RSU1: variants seen among roughly 807,000 people sequenced by gnomAD.
The protein encoded by RSU1 is rsu-1.
RSU1 carries 26 observed loss-of-function variants against 31.1 expected under a neutral mutation model. The observed-to-expected ratio is 0.84, with a 90% CI of 0.61 to 1.16. RSU1 has a LOEUF of 1.16. Ranked by LOEUF, RSU1 falls within the 50% of genes most tolerant of loss-of-function variation. The pLI is 0.00. For synonymous variants in RSU1, 164 were observed against 136.3 expected, an observed-to-expected ratio of 1.20 and a Z score of -1.41; for missense variants, 320 against 339.1, an observed-to-expected ratio of 0.94 and a Z score of 0.44.
At chr10:16,791,876 CTG>C (rs1292664802) in intron 2 of RSU1, among the ~76,000 whole-genome samples, 9 of 152,160 alleles carry the variant, frequency 5.9e-5, no homozygotes. Context: ...ATGTGGAACT[CTG>C]GAACTTGTCT....
chr10:16,744,251 T>C (rs1176646851), intron 7 of RSU1, among the ~76,000 whole-genome samples: 1 of 152,196 alleles, frequency 6.6e-6, no homozygotes, highest in African/African-American at 2.4e-5. Flanking sequence ...TTTCAAAAGA[T>C]GGATTTATAT....
At chr10:16,671,667 C>G (rs746053528) in intron 8 of RSU1, among the ~76,000 whole-genome samples, 1 of 151,868 alleles carries the variant, frequency 6.6e-6, no homozygotes, top group African/African-American at 2.4e-5. Context: ...CACTCTGTTG[C>G]GAGGCTGGAG....
At chr10:16,644,649 G>T (rs1056463225) in intron 8 of RSU1, among the ~76,000 whole-genome samples, 2 of 152,126 alleles carry the variant, frequency 1.3e-5, no homozygotes, top group Admixed American at 1.3e-4. Context: ...GCCACACATA[G>T]CGCAGTGTTC....
In RSU1 at chr10:16,722,913, CAT is replaced by C. The variant is rs1324693653; in HGVS notation, c.599-27760_599-27759del. 4.2e-3 allele frequency among the ~76,000 whole-genome samples: 625 copies of C among 148,560 alleles called. 1 individual carries two copies. The highest frequency in any genetic ancestry group is 7.4e-3 in the Middle Eastern group (2 of 270). On this transcript the variant is annotated intron_variant, in intron 7 of 8. Coordinates refer to ENST00000345264, the MANE Select transcript of RSU1 (RefSeq NM_012425.4). The stretch of plus-strand genomic sequence containing the variant: ...ATATATGTATATATACACACATATA[CAT>C]ATATGTATATATACACACATATACA...
chr10:16,789,477 G>A (rs1010695248), intron 2 of RSU1, among the ~76,000 whole-genome samples: 9 of 152,220 alleles, frequency 5.9e-5, no homozygotes, highest in African/African-American at 1.9e-4. Flanking sequence ...GTCAGGCAAA[G>A]ACCAAGTGGA....
intron 7 of RSU1, among the ~76,000 whole-genome samples, chr10:16,699,856 G>A (rs973644841): frequency 6.6e-6 from 1 of 152,186 alleles, no homozygotes. Flanking sequence ...ATCACTCAGA[G>A]GCTTATTCTG....
At chr10:16,700,734 T>C (rs552685164) in intron 7 of RSU1, among the ~76,000 whole-genome samples, 2 of 152,346 alleles carry the variant, frequency 1.3e-5, no homozygotes, top group African/African-American at 2.4e-5. Flanking sequence ...CATATTGTAA[T>C]AGACAGTGTC....
intron 7 of RSU1, among the ~76,000 whole-genome samples, chr10:16,709,110 G>A (rs568273658): frequency 1.6e-4 from 24 of 151,494 alleles, no homozygotes; most frequent in Non-Finnish European, 3.2e-4. Context: ...TCGTCATTTA[G>A]CATTAGATGT....
chr10:16,631,997 G>C (rs376258377), intron 8 of RSU1, among the ~76,000 whole-genome samples: 4 of 152,290 alleles, frequency 2.6e-5, no homozygotes, highest in East Asian at 1.9e-4. Context: ...AGTGAAATTA[G>C]CTGCTGCCTT....
chr10:16,682,065 C>T (rs1009013556), intron 8 of RSU1, among the ~76,000 whole-genome samples: 1 of 152,070 alleles, frequency 6.6e-6, no homozygotes, highest in Non-Finnish European at 1.5e-5. Flanking sequence ...GAATTCTGTG[C>T]CTCTTGATGC....
rs192375222 is a variant in RSU1 at position 16,697,458 on chromosome 10, A to G, written c.599-2303T>C. Among the ~76,000 whole-genome samples the G allele has an allele frequency of 4.2e-4, 64 of 152,232 alleles. No individual in the cohort carries two copies. In the East Asian group the frequency reaches 0.012, roughly 29 times the overall value. ...GATCACTTGAGGTCAGGAGTTCCAG[A>G]CCACAAGGCAATTTGGCCAACATGG... On this transcript the variant is annotated intron_variant, in intron 7 of 8. Transcript: ENST00000345264.
chr10:16,739,466 CTTTTTTTTTTTT>C (rs35664560), intron 7 of RSU1, among the ~76,000 whole-genome samples: 12 of 94,242 alleles, frequency 1.3e-4, no homozygotes, highest in Non-Finnish European at 2.2e-4. Flanking sequence ...CATTTTCTTC[CTTTTTTTTTTTT>C]TTTTTTTTTT....
intron 3 of RSU1, among the ~76,000 whole-genome samples, chr10:16,773,360 A>G (rs1008818875): frequency 6.6e-6 from 1 of 152,134 alleles, no homozygotes; most frequent in African/African-American, 2.4e-5. Context: ...AGGAAAATCC[A>G]CCAAATCCAC....
At chr10:16,745,387 C>T (rs995007573) in intron 7 of RSU1, among the ~76,000 whole-genome samples, 10 of 152,060 alleles carry the variant, frequency 6.6e-5, no homozygotes, top group Admixed American at 1.3e-4. Context: ...TGTTCTAGTC[C>T]GTTTTCACGC....
At chr10:16,738,929 T>A (rs187483057) in intron 7 of RSU1, among the ~76,000 whole-genome samples, 23 of 151,776 alleles carry the variant, frequency 1.5e-4, no homozygotes, top group Non-Finnish European at 2.9e-4. Context: ...TTCTCATCAT[T>A]CAACTCCCAC....
intron 2 of RSU1, among the ~76,000 whole-genome samples, chr10:16,788,942 C>T (rs1356073772): frequency 6.6e-6 from 1 of 152,190 alleles, no homozygotes; most frequent in Non-Finnish European, 1.5e-5. Context: ...GTGTCTCACA[C>T]CTGCAGACCA....
chr10:16,657,412 T>C (rs977993838), intron 8 of RSU1, among the ~76,000 whole-genome samples: 3 of 152,178 alleles, frequency 2.0e-5, no homozygotes, highest in Admixed American at 1.3e-4. Context: ...CTGAAAGTTA[T>C]TTGGATACTA....
chr10:16,766,306 C>T (rs1489779443), intron 3 of RSU1, among the ~76,000 whole-genome samples: 1 of 152,236 alleles, frequency 6.6e-6, no homozygotes, highest in Non-Finnish European at 1.5e-5. Context: ...TGCAGGAATG[C>T]AAATGAACCC....
At chr10:16,652,750 A>C (rs1834709616) in intron 8 of RSU1, among the ~76,000 whole-genome samples, 1 of 152,080 alleles carries the variant, frequency 6.6e-6, no homozygotes, top group African/African-American at 2.4e-5. Flanking sequence ...TGGTGTGATC[A>C]CGGCTCACTG....
Sources: gnomAD v4.1 joint callset for allele counts (sites outside exome capture counted in the v4.1 genomes callset) on GRCh38, gnomAD v4.1.1 for gene constraint, MANE v1.5 for transcripts, NCBI Gene and HGNC (gene_info 2026-07-23, HGNC 2026-07-21) for gene names.